The following WWOX variants were observed in gnomAD, a reference collection of about 807,000 sequenced individuals.
WWOX encodes the protein WW domain-containing oxidoreductase.
Under a neutral mutation model 46.2 loss-of-function variants are expected in WWOX, and 69 were observed. That is an observed-to-expected ratio of 1.49 (90% confidence interval 1.23 to 1.82). The LOEUF (loss-of-function observed/expected upper bound fraction) is 1.82. WWOX is among the 40% of genes most tolerant of loss of function. The pLI, the probability that WWOX is intolerant of heterozygous loss-of-function variation, is 0.00. For missense variants in WWOX, 919 were observed against 542.6 expected (o/e 1.69, Z -6.89); for synonymous variants, 359 against 202.6 (o/e 1.77, Z -6.56).
intron 8 of WWOX, among the ~76,000 whole-genome samples, chr16:79,009,952 T>C (rs2047270364): frequency 1.3e-5 from 2 of 152,330 alleles, no homozygotes; most frequent in South Asian, 2.1e-4. Flanking sequence ...ACGTGTGACC[T>C]TGGGCAAGTC....
chr16:78,515,807 T>C (rs1285153061), intron 8 of WWOX, among the ~76,000 whole-genome samples: 1 of 152,160 alleles, frequency 6.6e-6, no homozygotes, highest in Non-Finnish European at 1.5e-5. Flanking sequence ...CTTCTTCCAA[T>C]AAGTCAGCAC....
At chr16:78,856,664 T>C (rs1199004902) in intron 8 of WWOX, among the ~76,000 whole-genome samples, 6 of 152,090 alleles carry the variant, frequency 3.9e-5, no homozygotes, top group Non-Finnish European at 8.8e-5. Context: ...AGAAATGGAA[T>C]AGATCTCTTT....
intron 5 of WWOX, among the ~76,000 whole-genome samples, chr16:78,208,991 TA>T (rs2036477150): frequency 6.6e-6 from 1 of 152,180 alleles, no homozygotes; most frequent in Non-Finnish European, 1.5e-5. Context: ...GGAGTGTGTT[TA>T]AAATGTGGGT....
intron 8 of WWOX, among the ~76,000 whole-genome samples, chr16:78,893,647 C>T (rs779831820): frequency 6.6e-6 from 1 of 152,178 alleles, no homozygotes; most frequent in Non-Finnish European, 1.5e-5. Context: ...TTCTTCCTTG[C>T]CTGGGAGACT....
chr16:78,402,092 C>A (rs7201777), intron 6 of WWOX, among the ~76,000 whole-genome samples: 21,730 of 152,194 alleles, frequency 0.14, 4,265 homozygotes, highest in African/African-American at 0.44. Flanking sequence ...AGAACAATTT[C>A]ATCACTCCAA....
chr16:79,029,316 C>T (rs1037470918), intron 8 of WWOX, among the ~76,000 whole-genome samples: 17 of 152,286 alleles, frequency 1.1e-4, no homozygotes, highest in South Asian at 4.1e-4. Flanking sequence ...GGGGAAGAGA[C>T]GCACATCAGC....
At chr16:78,747,837 A>G (rs1046996374) in intron 8 of WWOX, among the ~76,000 whole-genome samples, 3 of 152,196 alleles carry the variant, frequency 2.0e-5, no homozygotes, top group Admixed American at 2.0e-4. Flanking sequence ...AAGCTGCTCC[A>G]TGATCAAGGA....
Position 78,904,527 on chromosome 16 carries a change from G to A in WWOX, c.1057-307081G>A, listed in dbSNP as rs369737239. On this transcript the variant is annotated intron_variant, in intron 8 of 8. Transcript: ENST00000566780. ...GCTGGGATTACAGGCATGAGCCACC[G>A]GCCTGGCCATAAATGTCTTTTCTGG... is the stretch of plus-strand genomic sequence containing the variant. 5.1e-4 allele frequency among the ~76,000 whole-genome samples: 78 copies of A among 152,080 alleles called. No individual in the cohort carries two copies. The South Asian group carries it at 0.013, about 26-fold the overall frequency.
At chr16:78,567,854 T>C (rs2044612081) in intron 8 of WWOX, among the ~76,000 whole-genome samples, 1 of 152,082 alleles carries the variant, frequency 6.6e-6, no homozygotes, top group Non-Finnish European at 1.5e-5. Flanking sequence ...TGACAGAGTG[T>C]GTCAAGCCTG....
chr16:78,589,813 C>T, intron 8 of WWOX, among the ~76,000 whole-genome samples: 1 of 152,030 alleles, frequency 6.6e-6, no homozygotes. Flanking sequence ...TTTCTCCCTT[C>T]TGTAGAATAA....
chr16:78,449,646 C>T (rs1048571154), intron 8 of WWOX, among the ~76,000 whole-genome samples: 14 of 152,138 alleles, frequency 9.2e-5, no homozygotes, highest in African/African-American at 2.7e-4. Context: ...GAGAGAGGCA[C>T]CAAATGCACC....
At chr16:79,207,392 C>T (rs1485027186) in intron 8 of WWOX, among the ~76,000 whole-genome samples, 6 of 152,242 alleles carry the variant, frequency 3.9e-5, no homozygotes, top group Non-Finnish European at 8.8e-5. Flanking sequence ...GGACGTTAGT[C>T]ATGGGAACAC....
intron 8 of WWOX, among the ~76,000 whole-genome samples, chr16:79,121,201 T>C (rs527890802): frequency 6.6e-6 from 1 of 152,172 alleles, no homozygotes; most frequent in Non-Finnish European, 1.5e-5. Context: ...CAGTTACAGG[T>C]TCCGGGGAGT....
At chr16:78,249,877 C>G (rs1160404727) in intron 5 of WWOX, among the ~76,000 whole-genome samples, 1 of 151,738 alleles carries the variant, frequency 6.6e-6, no homozygotes, top group Non-Finnish European at 1.5e-5. Context: ...AGAAGGGGCA[C>G]CAGAAGGAGA....
chr16:79,172,784 G>C (rs2050725815), intron 8 of WWOX, among the ~76,000 whole-genome samples: 1 of 152,086 alleles, frequency 6.6e-6, no homozygotes, highest in Non-Finnish European at 1.5e-5. Flanking sequence ...CCAGCACTCT[G>C]GGAGGCCAAG....
chr16:78,316,733 C>A (rs1303349770), intron 5 of WWOX, among the ~76,000 whole-genome samples: 1 of 152,100 alleles, frequency 6.6e-6, no homozygotes, highest in African/African-American at 2.4e-5. Flanking sequence ...CTATAAGCTT[C>A]TGTTACTGGA....
In WWOX at chr16:78,755,371, T is replaced by C. The variant is rs550396414; in HGVS notation, c.1056+322619T>C. On this transcript the variant is annotated intron_variant, in intron 8 of 8. Transcript: ENST00000566780. The stretch of plus-strand genomic sequence containing the variant: ...AATGCAGTGGGTAGCCCAGGACTCC[T>C]GGTCCAGGTAAAGCAGGCCTTGTTG... 3.3e-5 allele frequency among the ~76,000 whole-genome samples: 5 copies of C among 152,300 alleles called. No individual in the cohort carries two copies. In the South Asian group the frequency reaches 1.0e-3, roughly 32 times the overall value.
intron 8 of WWOX, among the ~76,000 whole-genome samples, chr16:78,451,025 G>C (rs1304594731): frequency 2.0e-5 from 3 of 152,168 alleles, no homozygotes; most frequent in Non-Finnish European, 2.9e-5. Context: ...ACCCGGAAGA[G>C]TCTTTCTTGG....
chr16:78,113,975 GCTT>G (rs34106303), intron 3 of WWOX, among the ~76,000 whole-genome samples: 51,822 of 151,504 alleles, frequency 0.34, 8,810 homozygotes, highest in Non-Finnish European at 0.36. Context: ...ATATTTAGAG[GCTT>G]CTTAATAGTT....
Sources: allele counts gnomAD v4.1 joint callset (sites outside exome capture counted in the v4.1 genomes callset), GRCh38; gene constraint gnomAD v4.1.1; transcripts MANE v1.5; gene names NCBI Gene and HGNC (gene_info 2026-07-23, HGNC 2026-07-21).